Variants in DNAJC13 observed in about 807,000 individuals in gnomAD.
The protein encoded by DNAJC13 is dnaJ homolog subfamily C member 13.
DNAJC13 carries 75 observed loss-of-function variants against 290.5 expected under a neutral mutation model. The ratio of observed to expected loss-of-function variants is 0.26; its 90% CI spans 0.21 to 0.31. DNAJC13 has a LOEUF of 0.31. Ranked by LOEUF, DNAJC13 falls within the 10% of genes least tolerant of loss-of-function variation. The pLI is 1.00. For missense variants in DNAJC13, 2,260 were observed against 2,674.5 expected (o/e 0.85, Z 3.42); for synonymous variants, 862 against 892.0 (o/e 0.97, Z 0.60).
At chr3:132,532,912 AATT>A (rs78689169) in intron 55 of DNAJC13, among the ~76,000 whole-genome samples, 9 of 141,834 alleles carry the variant, frequency 6.3e-5, no homozygotes, top group Admixed American at 2.1e-4. Context: ...TAATTTTTGT[AATT>A]ATTATTATTA....
Position 132,538,252 on chromosome 3 carries a change from T to G in DNAJC13, c.6702T>G (p.His2234Gln). 1 of 1,613,860 alleles carries G rather than the reference T, an allele frequency of 6.2e-7. No homozygotes were observed. Residue 2234 changes from histidine (H) to glutamine (Q), a missense_variant, in exon 56 of 56, where the codon CAT becomes CAG. This residue lies in a region of DNAJC13 where 1,494 missense variants were observed against 1,693.7 expected (regional missense o/e 0.88). Coordinates refer to ENST00000260818, the MANE Select transcript of DNAJC13 (RefSeq NM_015268.4). ...VMSNLPPPVD[H>Q]EAGDLGYQT is the part of the protein sequence containing the mutation. ...CTAACCTGCCACCTCCTGTAGACCA[T>G]GAGGCAGGCGACCTTGGCTATCAGA...
chr3:132,532,500 G>A (rs895754929), intron 55 of DNAJC13, among the ~76,000 whole-genome samples: 14 of 152,046 alleles, frequency 9.2e-5, no homozygotes, highest in Non-Finnish European at 2.1e-4. Flanking sequence ...TCCATCCCCT[G>A]TCCCTCATAT....
intron 48 of DNAJC13, among the ~76,000 whole-genome samples, chr3:132,517,600 A>G (rs1935955496): frequency 1.3e-5 from 2 of 152,144 alleles, no homozygotes; most frequent in South Asian, 4.2e-4. Context: ...CATGCTTCCA[A>G]AGTGATTCTT....
At chr3:132,428,050 T>G (rs1167999950) in intron 1 of DNAJC13, among the ~76,000 whole-genome samples, 1 of 152,230 alleles carries the variant, frequency 6.6e-6, no homozygotes, top group African/African-American at 2.4e-5. Context: ...ATGGCAGCTC[T>G]GTGATCAGTG....
chr3:132,527,764 G>A (rs973779515), intron 53 of DNAJC13, among the ~76,000 whole-genome samples: 1 of 152,126 alleles, frequency 6.6e-6, no homozygotes, highest in East Asian at 1.9e-4. Context: ...TGAAATGTAC[G>A]ATGACCACAA....
intron 2 of DNAJC13, among the ~76,000 whole-genome samples, chr3:132,441,054 G>T (rs1318549791): frequency 2.0e-5 from 3 of 152,142 alleles, no homozygotes; most frequent in South Asian, 2.1e-4. Flanking sequence ...AGCTTTTAAT[G>T]ATAAAAGGAA....
At chr3:132,500,727 CTA>C in intron 38 of DNAJC13, 65 bp from the exon 39 acceptor site, 3 of 1,593,948 alleles carry the variant, frequency 1.9e-6, no homozygotes, top group Non-Finnish European at 2.6e-6. Flanking sequence ...GGTTTGATTT[CTA>C]TGTGTTAAAT....
intron 1 of DNAJC13, among the ~76,000 whole-genome samples, chr3:132,418,151 G>A (rs1243437499): frequency 6.6e-6 from 1 of 152,164 alleles, no homozygotes; most frequent in African/African-American, 2.4e-5. Flanking sequence ...GGCAACTCTT[G>A]TTTCCTTGGG....
chr3:132,487,581 C>CTTTTTTTTTTTTTTTTTTTTTT (rs1934922655), intron 29 of DNAJC13, among the ~76,000 whole-genome samples: 2 of 46,846 alleles, frequency 4.3e-5, no homozygotes, highest in African/African-American at 5.6e-4. Context: ...TTTTTTTTTA[C>CTTTTTTTTTTTTTTTTTTTTTT]TGGGAGCATT....
chr3:132,521,659 T>TA (rs1452956000), intron 48 of DNAJC13, among the ~76,000 whole-genome samples: 1 of 152,228 alleles, frequency 6.6e-6, no homozygotes, highest in African/African-American at 2.4e-5. Flanking sequence ...GCATTGTTCT[T>TA]ACACTCAGGG....
In DNAJC13 at chr3:132,472,508, T is replaced by C; in HGVS notation, c.2209-637T>C. Reference sequence around the variant, plus strand: ...TATAATTTAGCAGATCTAGGCTCATTCTCTTTTTATTTTCTTTAACTTTTT... The same window carrying C: ...TATAATTTAGCAGATCTAGGCTCATCCTCTTTTTATTTTCTTTAACTTTTT... On this transcript the variant is annotated intron_variant, in intron 20 of 55. Coordinates refer to ENST00000260818, the MANE Select transcript of DNAJC13 (RefSeq NM_015268.4). 4.2e-6 allele frequency: 4 copies of C among 954,962 alleles called. 1 individual carries two copies. Among genetic ancestry groups the C allele is most frequent in the Non-Finnish European group, 5.0e-6 (4 of 802,178 alleles). The allele number at this position is 954,962 out of a possible 1,614,324, so 59.2% of individuals were successfully genotyped here.
chr3:132,477,613 T>C (rs1363930807), intron 22 of DNAJC13, among the ~76,000 whole-genome samples, 176 bp from the exon 23 acceptor site: 2 of 152,232 alleles, frequency 1.3e-5, no homozygotes, highest in Non-Finnish European at 2.9e-5. Context: ...GTCTTACATT[T>C]ATAAAATTGG....
At chr3:132,493,217 GCCC>G (rs1935120426) in intron 33 of DNAJC13, among the ~76,000 whole-genome samples, 1 of 151,902 alleles carries the variant, frequency 6.6e-6, no homozygotes, top group Admixed American at 6.6e-5. Flanking sequence ...TGTCCAGAGT[GCCC>G]TTGGGACCCC....
At chr3:132,495,973 A>G (rs150743840) in intron 35 of DNAJC13, among the ~76,000 whole-genome samples, 1 of 152,300 alleles carries the variant, frequency 6.6e-6, no homozygotes, top group African/African-American at 2.4e-5. Flanking sequence ...GTAAAACAAT[A>G]TGATACTGAC....
chr3:132,537,965 A>G (rs959666135), intron 55 of DNAJC13, among the ~76,000 whole-genome samples: 1 of 152,244 alleles, frequency 6.6e-6, no homozygotes, highest in African/African-American at 2.4e-5. Context: ...TCCAGCATAC[A>G]TTTTGAAATG....
Position 132,465,937 on chromosome 3 carries a change from C to T in DNAJC13, c.1893-58C>T, listed in dbSNP as rs969294529. On this transcript the variant is annotated intron_variant, in intron 17 of 55. Transcript: ENST00000260818. ...ATGTGATATTTTGTTCTTAAAAATTCCTTTCTGTTCTAGCTGAGATAAAGC... is the reference window on the plus strand; with the variant it reads ...ATGTGATATTTTGTTCTTAAAAATTTCTTTCTGTTCTAGCTGAGATAAAGC... The T allele has an allele frequency of 1.1e-5, 12 of 1,136,958 alleles. No individual in the cohort carries two copies. The African/African-American group carries it at 1.7e-4, about 16-fold the overall frequency. 70.4% of individuals were successfully genotyped at this position (1,136,958 alleles called of 1,614,324 possible).
intron 43 of DNAJC13, among the ~76,000 whole-genome samples, chr3:132,510,750 A>T (rs934634265): frequency 6.6e-6 from 1 of 152,074 alleles, no homozygotes; most frequent in Non-Finnish European, 1.5e-5. Flanking sequence ...ATATAACTTA[A>T]TTATAAAAAT....
intron 55 of DNAJC13, among the ~76,000 whole-genome samples, chr3:132,534,143 G>A (rs1936514511): frequency 6.6e-6 from 1 of 152,142 alleles, no homozygotes; most frequent in African/African-American, 2.4e-5. Context: ...TGGGGAGATG[G>A]TATAAAACCC....
intron 28 of DNAJC13, among the ~76,000 whole-genome samples, chr3:132,483,900 T>A (rs879064735): frequency 6.6e-6 from 1 of 152,248 alleles, no homozygotes; most frequent in Admixed American, 6.5e-5. Context: ...GAATGCCAGC[T>A]GTTGATCTGA....
Sources: gnomAD v4.1 joint callset for allele counts (sites outside exome capture counted in the v4.1 genomes callset) on GRCh38, gnomAD v4.1.1 for gene constraint, gnomAD v4.1.1 regional missense constraint, MANE v1.5 for transcripts, NCBI Gene and HGNC (gene_info 2026-07-23, HGNC 2026-07-21) for gene names.